The following PCDHGA5 variants were observed in gnomAD, a reference collection of about 807,000 sequenced individuals.
The protein encoded by PCDHGA5 is protocadherin gamma subfamily A, 5.
A neutral mutation model predicts 56.7 loss-of-function variants in PCDHGA5; 36 were observed. The observed-to-expected ratio is 0.64, with a 90% confidence interval of 0.49 to 0.84. The LOEUF (loss-of-function observed/expected upper bound fraction) is 0.84. Ranked by LOEUF, PCDHGA5 falls within the 40% of genes least tolerant of loss-of-function variation. The pLI is 0.00. For missense variants in PCDHGA5, 1,305 were observed against 1,201.5 expected (o/e 1.09, Z -1.27); for synonymous variants, 563 against 520.2 (o/e 1.08, Z -1.12).
At chr5:141,405,301 G>C (rs369812265) in intron 1 of PCDHGA5, 2 of 1,614,082 alleles carry the variant, frequency 1.2e-6, no homozygotes, top group African/African-American at 2.7e-5. Context: ...TCAGCCAGCA[G>C]AGCTGTGAGA....
intron 1 of PCDHGA5, among the ~76,000 whole-genome samples, chr5:141,472,242 A>T (rs1342571385): frequency 6.6e-6 from 1 of 152,186 alleles, no homozygotes; most frequent in East Asian, 1.9e-4. Flanking sequence ...TTCACTTTCT[A>T]TTTTAAAGTT....
rs1408454981 is a variant in PCDHGA5, at chr5:141,489,682, T to C, written c.2422-5125T>C. The C allele has an allele frequency of 6.2e-7, 1 of 1,614,184 alleles. No individual in the cohort carries two copies. The highest frequency in any genetic ancestry group is 8.5e-7 in the Non-Finnish European group (1 of 1,180,024). On this transcript the variant is annotated intron_variant, in intron 1 of 3. Transcript: ENST00000518069. This position sits in a 1 kb window ranked among gnomAD's most constrained non-coding sequence, Gnocchi z 4.5. ...GATGCGCATCTCAGAATCAGCAGCATCTGGGGCACGATTCCCACTGGACAG... is the reference window on the plus strand; with the variant it reads ...GATGCGCATCTCAGAATCAGCAGCACCTGGGGCACGATTCCCACTGGACAG...
chr5:141,501,478 T>A (rs536337246), intron 2 of PCDHGA5, among the ~76,000 whole-genome samples: 5 of 151,890 alleles, frequency 3.3e-5, no homozygotes, highest in Non-Finnish European at 7.4e-5. Flanking sequence ...CCTGGAAGAG[T>A]CCCTCATATC....
intron 1 of PCDHGA5, among the ~76,000 whole-genome samples, chr5:141,369,505 G>GA (rs1379316544): frequency 5.3e-5 from 8 of 150,772 alleles, no homozygotes; most frequent in African/African-American, 1.2e-4. Context: ...CACCTCTATA[G>GA]AAAAAAAAAG....
rs953182246 is a variant in PCDHGA5, at chr5:141,511,757, C to T, written c.*584C>T. ...CTCAAGTTTTGGAGGACATGATCAC[C>T]ATCCCCATGGTACTGATGCTTGCTG... is the stretch of plus-strand genomic sequence containing the variant. On this transcript the variant is annotated 3_prime_UTR_variant, in exon 4 of 4. Coordinates refer to ENST00000518069, the MANE Select transcript of PCDHGA5 (RefSeq NM_018918.3). The T allele has an allele frequency of 6.9e-5, 12 of 174,122 alleles. No individual in the cohort carries two copies. The highest frequency in any genetic ancestry group is 2.8e-4 in the African/African-American group (12 of 42,412). The allele number at this position is 174,122 out of a possible 1,614,324, so 10.8% of individuals were successfully genotyped here.
At chr5:141,375,970 G>C in intron 1 of PCDHGA5, 2 of 1,613,334 alleles carry the variant, frequency 1.2e-6, no homozygotes, top group Non-Finnish European at 1.7e-6. Flanking sequence ...TGCGCACGGC[G>C]CGCGCCCTGC....
chr5:141,468,801 A>G (rs949203275), intron 1 of PCDHGA5, among the ~76,000 whole-genome samples: 15 of 151,736 alleles, frequency 9.9e-5, no homozygotes, highest in South Asian at 2.1e-4. Context: ...GGGAGGCGGA[A>G]CTTGCAGTGA....
Position 141,494,824 on chromosome 5 carries a change from G to A in PCDHGA5, c.2439G>A (p.Thr813=), listed in dbSNP as rs1423741889. The A allele has an allele frequency of 1.8e-5, 29 of 1,613,924 alleles. No homozygotes were observed. Among genetic ancestry groups the A allele is most frequent in the Non-Finnish European group, 2.4e-5 (28 of 1,180,032 alleles). Residue 813 remains threonine (T), a synonymous_variant, in exon 2 of 4, where the codon ACG becomes ACA. Transcript: ENST00000518069. The part of the protein sequence containing the change: ...ERRVQQAPPN[T]DWRFSQAQRP... ...CTCCACAGCAAGCCCCGCCCAACAC[G>A]GACTGGCGTTTCTCTCAGGCCCAGA...
intron 1 of PCDHGA5, among the ~76,000 whole-genome samples, chr5:141,482,144 G>C (rs564178008): frequency 1.3e-4 from 20 of 151,858 alleles, no homozygotes; most frequent in Admixed American, 9.8e-4. Flanking sequence ...GGCATAAAAA[G>C]GTCAAGTCAA....
At position 141,424,135 on chromosome 5, in the gene PCDHGA5, G is replaced by A. The variant is rs572224199; in HGVS notation, c.2421+57384G>A. 1.1e-4 allele frequency: 47 copies of A among 431,606 alleles called. No individual in the cohort carries two copies. The South Asian group carries it at 4.6e-3, about 43-fold the overall frequency. The allele number at this position is 431,606 out of a possible 1,614,324, so 26.7% of individuals were successfully genotyped here. On this transcript the variant is annotated intron_variant, in intron 1 of 3. Coordinates refer to ENST00000518069, the MANE Select transcript of PCDHGA5 (RefSeq NM_018918.3). The stretch of plus-strand genomic sequence containing the variant: ...AAATTTTGATCCTGTTGATTTAATA[G>A]CATGCTCCCTCTAGCTCTCCTTCTC...
At chr5:141,408,271 T>C (rs948446189) in intron 1 of PCDHGA5, 7 of 1,610,858 alleles carry the variant, frequency 4.3e-6, no homozygotes, top group Non-Finnish European at 5.9e-6. Context: ...TGCTGCTGCC[T>C]TTGTTCTACC....
intron 1 of PCDHGA5, chr5:141,396,327 A>C (rs1370175057): frequency 6.6e-6 from 1 of 152,430 alleles, no homozygotes; most frequent in Non-Finnish European, 1.5e-5. Flanking sequence ...CTCTAAAAAA[A>C]CTATTATTAG....
At chr5:141,502,291 G>A (rs1346186675) in intron 2 of PCDHGA5, among the ~76,000 whole-genome samples, 1 of 151,370 alleles carries the variant, frequency 6.6e-6, no homozygotes, top group African/African-American at 2.5e-5. Context: ...GCATTTGGTT[G>A]TCACGTCTTT....
intron 1 of PCDHGA5, among the ~76,000 whole-genome samples, chr5:141,435,568 A>C (rs564789030): frequency 8.7e-4 from 132 of 152,274 alleles, no homozygotes; most frequent in Middle Eastern, 6.8e-3. Context: ...TTTTTTTAGT[A>C]CTGGGGCAAA....
At position 141,476,902 on chromosome 5, in the gene PCDHGA5, C is replaced by T. The variant is rs1399250599; in HGVS notation, c.2422-17905C>T. ...TGGAGGATGCACCCTCCGGCACGCG[C>T]GTGGTACAAGTCCTTGCAACGGATC... On this transcript the variant is annotated intron_variant, in intron 1 of 3. Transcript: ENST00000518069. This position sits in a 1 kb window ranked among gnomAD's most constrained non-coding sequence, Gnocchi z 7.6. 2 of 1,613,998 alleles carry T rather than the reference C, an allele frequency of 1.2e-6. No individual in the cohort carries two copies. The highest frequency in any genetic ancestry group is 1.7e-6 in the Non-Finnish European group (2 of 1,180,034).
chr5:141,409,130 G>A, intron 1 of PCDHGA5: 1 of 1,613,994 alleles, frequency 6.2e-7, no homozygotes, highest in South Asian at 1.1e-5. Context: ...ATTTGATTTT[G>A]AAGATGTAGA....
chr5:141,498,265 T>G (rs2099782779), intron 2 of PCDHGA5, among the ~76,000 whole-genome samples: 2 of 152,010 alleles, frequency 1.3e-5, no homozygotes, highest in Non-Finnish European at 2.9e-5. Context: ...TGTTGAGTTC[T>G]TCAGTAAACT....
intron 1 of PCDHGA5, among the ~76,000 whole-genome samples, chr5:141,458,869 A>G (rs2154566384): frequency 6.6e-6 from 1 of 152,264 alleles, no homozygotes; most frequent in East Asian, 1.9e-4. Context: ...AGTAGCTGGG[A>G]CTACAGGCAT....
In PCDHGA5 at chr5:141,432,598, G is replaced by A; in HGVS notation, c.2422-62209G>A. The A allele has an allele frequency of 6.2e-7, 1 of 1,613,920 alleles. No individual in the cohort carries two copies. The highest frequency in any genetic ancestry group is 8.5e-7 in the Non-Finnish European group (1 of 1,179,972). On this transcript the variant is annotated intron_variant, in intron 1 of 3. Transcript: ENST00000518069. The surrounding 1 kb of genome is among the most constrained non-coding windows in gnomAD (Gnocchi z 6.0). ...CCTACCGTCTGCTCAAGGCCAGCGA[G>A]CCGGGACTCTTCTCGGTGGGTCTGC...
Sources: gnomAD v4.1 joint callset for allele counts (sites outside exome capture counted in the v4.1 genomes callset) on GRCh38, gnomAD v4.1.1 for gene constraint, Gnocchi (gnomAD v3.1) non-coding constraint, MANE v1.5 for transcripts, NCBI Gene and HGNC (gene_info 2026-07-23, HGNC 2026-07-21) for gene names.